The following ABTB3 variants were observed in gnomAD, a reference collection of about 807,000 sequenced individuals.
The protein encoded by ABTB3 is ankyrin repeat- and BTB/POZ domain-containing protein 3.
the ABTB3 span, among the ~76,000 whole-genome samples, chr12:107,323,270 A>G: frequency 6.6e-6 from 1 of 152,140 alleles, no homozygotes; most frequent in Non-Finnish European, 1.5e-5. Flanking sequence ...ACTGGCTCCA[A>G]GTTCTTCTTC....
At chr12:107,654,834 A>ACACACACACACG in the ABTB3 span, among the ~76,000 whole-genome samples, 2,876 of 148,672 alleles carry the variant, frequency 0.019, 44 homozygotes, top group South Asian at 0.048. Context: ...ACACACACAC[A>ACACACACACACG]CACACACACA....
the ABTB3 span, among the ~76,000 whole-genome samples, chr12:107,563,347 C>G: frequency 6.6e-6 from 1 of 152,164 alleles, no homozygotes; most frequent in Admixed American, 6.5e-5. Context: ...TGATTGAGAA[C>G]CTACAAAGTA....
At chr12:107,637,259 G>A in the ABTB3 span, among the ~76,000 whole-genome samples, 1 of 152,148 alleles carries the variant, frequency 6.6e-6, no homozygotes, top group Non-Finnish European at 1.5e-5. Context: ...GGACGCAATG[G>A]CGCATGCCTA....
At chr12:107,341,323 G>A in the ABTB3 span, among the ~76,000 whole-genome samples, 5 of 152,166 alleles carry the variant, frequency 3.3e-5, no homozygotes, top group African/African-American at 1.2e-4. Flanking sequence ...TCAACCTGGA[G>A]GTTGACTAGA....
chr12:107,645,803 A>G, the ABTB3 span, among the ~76,000 whole-genome samples: 3 of 152,156 alleles, frequency 2.0e-5, no homozygotes, highest in Non-Finnish European at 4.4e-5. Context: ...GAGGCCTGTA[A>G]TTGCTTTTGA....
the ABTB3 span, among the ~76,000 whole-genome samples, chr12:107,628,051 ACC>A: frequency 1.3e-5 from 2 of 151,876 alleles, no homozygotes; most frequent in African/African-American, 4.8e-5. Context: ...CCCACCCTCC[ACC>A]TGCCTCCACC....
the ABTB3 span, among the ~76,000 whole-genome samples, chr12:107,647,627 A>G: frequency 6.6e-6 from 1 of 152,240 alleles, no homozygotes; most frequent in Non-Finnish European, 1.5e-5. Context: ...CCTGGGTGAG[A>G]ACAAGGCGGC....
the ABTB3 span, among the ~76,000 whole-genome samples, chr12:107,457,124 A>T: frequency 3.3e-5 from 5 of 152,222 alleles, no homozygotes; most frequent in Non-Finnish European, 7.3e-5. Flanking sequence ...GGCCTACCAA[A>T]GTGCTAGGAT....
chr12:107,538,826 C>A, the ABTB3 span, among the ~76,000 whole-genome samples: 1 of 152,188 alleles, frequency 6.6e-6, no homozygotes, highest in Admixed American at 6.5e-5. Flanking sequence ...CCCCACCCCA[C>A]AAAGTGGGCC....
chr12:107,382,281 A>T, the ABTB3 span, among the ~76,000 whole-genome samples: 20 of 151,970 alleles, frequency 1.3e-4, no homozygotes, highest in African/African-American at 4.8e-4. Context: ...GGCCCAGGGG[A>T]GGGAGGCTTT....
chr12:107,470,239 A>T, the ABTB3 span, among the ~76,000 whole-genome samples: 1 of 151,834 alleles, frequency 6.6e-6, no homozygotes, highest in Non-Finnish European at 1.5e-5. Context: ...GAGTTTCAGC[A>T]CATTGGCCAG....
chr12:107,434,413 C>A, the ABTB3 span, among the ~76,000 whole-genome samples: 1 of 152,232 alleles, frequency 6.6e-6, no homozygotes, highest in Non-Finnish European at 1.5e-5. Context: ...TCTGCTACAG[C>A]CTTTCTCTGT....
chr12:107,446,119 T>C, the ABTB3 span, among the ~76,000 whole-genome samples: 1 of 152,122 alleles, frequency 6.6e-6, no homozygotes, highest in Non-Finnish European at 1.5e-5. Context: ...CCTTATTCTG[T>C]CTACTACAGT....
At chr12:107,542,047 C>T in the ABTB3 span, among the ~76,000 whole-genome samples, 17 of 152,104 alleles carry the variant, frequency 1.1e-4, no homozygotes, top group Non-Finnish European at 1.9e-4. Context: ...CGGTGGGTCA[C>T]ACCTGTAATC....
chr12:107,413,078 T>A, the ABTB3 span, among the ~76,000 whole-genome samples: 1 of 151,956 alleles, frequency 6.6e-6, no homozygotes, highest in African/African-American at 2.4e-5. Context: ...ATCGAGACCA[T>A]CCTGGCTAAC....
the ABTB3 span, among the ~76,000 whole-genome samples, chr12:107,343,847 T>A: frequency 6.6e-6 from 1 of 152,038 alleles, no homozygotes; most frequent in Non-Finnish European, 1.5e-5. Context: ...TTTAAAACCA[T>A]CAGATTTTGT....
the ABTB3 span, chr12:107,612,754 G>T: frequency 6.3e-7 from 1 of 1,595,028 alleles, no homozygotes; most frequent in Non-Finnish European, 8.6e-7. Flanking sequence ...AACGTTTTCC[G>T]TTCTCTGGTT....
the ABTB3 span, among the ~76,000 whole-genome samples, chr12:107,548,501 C>G: frequency 6.6e-6 from 1 of 152,162 alleles, no homozygotes. Flanking sequence ...TTTGGAGTTG[C>G]TGCATTTGTT....
At chr12:107,571,559 A>G in the ABTB3 span, among the ~76,000 whole-genome samples, 1 of 152,190 alleles carries the variant, frequency 6.6e-6, no homozygotes, top group African/African-American at 2.4e-5. Context: ...CACCTCTCCC[A>G]GGATATGAAG....
Sources: gnomAD v4.1 joint callset for allele counts (sites outside exome capture counted in the v4.1 genomes callset) on GRCh38, gnomAD v4.1.1 for gene constraint, MANE v1.5 for transcripts, NCBI Gene and HGNC (gene_info 2026-07-23, HGNC 2026-07-21) for gene names.